Variants in IGF1 observed in about 807,000 individuals in gnomAD.
IGF1 encodes the protein insulin-like growth factor 1.
IGF1 carries 4 observed loss-of-function variants against 13.8 expected under a neutral mutation model. The ratio of observed to expected loss-of-function variants is 0.29; its 90% CI spans 0.14 to 0.66. IGF1 has a LOEUF of 0.66. Ranked by LOEUF, IGF1 falls within the 30% of genes least tolerant of loss-of-function variation. The probability of loss-of-function intolerance (pLI) is 0.78; values close to 1 mark genes in which losing one functional copy is unlikely to be tolerated. For missense variants in IGF1, 124 were observed against 188.5 expected, an observed-to-expected ratio of 0.66 and a Z score of 2.00; for synonymous variants, 76 against 72.6, an observed-to-expected ratio of 1.05 and a Z score of -0.23.
chr12:102,435,757 C>T (rs774436688), intron 2 of IGF1, among the ~76,000 whole-genome samples: 54 of 152,190 alleles, frequency 3.5e-4, no homozygotes, highest in Non-Finnish European at 7.3e-5. Context: ...ATAACTAACA[C>T]ATACTAGTGG....
chr12:102,429,268 C>T (rs1027977551), intron 2 of IGF1, among the ~76,000 whole-genome samples: 1 of 152,124 alleles, frequency 6.6e-6, no homozygotes, highest in Non-Finnish European at 1.5e-5. Flanking sequence ...GCTATTATTT[C>T]TTTCCCTTTT....
chr12:102,457,600 AC>A (rs1266498289), intron 2 of IGF1, among the ~76,000 whole-genome samples: 1 of 152,202 alleles, frequency 6.6e-6, no homozygotes, highest in Non-Finnish European at 1.5e-5. Flanking sequence ...TGTAAATTCC[AC>A]CTACTTTTAA....
At chr12:102,414,224 C>T (rs1161651750) in intron 3 of IGF1, among the ~76,000 whole-genome samples, 1 of 152,070 alleles carries the variant, frequency 6.6e-6, no homozygotes, top group Non-Finnish European at 1.5e-5. Context: ...CATACACACA[C>T]ACAATCTCAA....
intron 2 of IGF1, among the ~76,000 whole-genome samples, chr12:102,439,718 G>GAAAA: frequency 7.2e-6 from 1 of 138,576 alleles, no homozygotes; most frequent in Non-Finnish European, 1.5e-5. Flanking sequence ...CTAGGAGAAG[G>GAAAA]AAAAAAAAAA....
chr12:102,460,785 T>C (rs1196867508), intron 2 of IGF1, among the ~76,000 whole-genome samples: 2 of 152,204 alleles, frequency 1.3e-5, no homozygotes, highest in Non-Finnish European at 2.9e-5. Context: ...TAAAATAATA[T>C]GCATTAAATC....
upstream of IGF1, chr12:102,481,814 C>T (rs965717160): frequency 1.3e-5 from 2 of 151,012 alleles, no homozygotes; most frequent in Non-Finnish European, 2.9e-5. Flanking sequence ...GGGACTGACA[C>T]ATCAACTGAA....
intron 2 of IGF1, among the ~76,000 whole-genome samples, chr12:102,423,901 T>G (rs1369563753): frequency 6.6e-6 from 1 of 152,196 alleles, no homozygotes; most frequent in Non-Finnish European, 1.5e-5. Flanking sequence ...TGTTCATCAC[T>G]GGCAAAAATG....
At chr12:102,407,420 T>C (rs1874271088) in intron 3 of IGF1, among the ~76,000 whole-genome samples, 1 of 152,242 alleles carries the variant, frequency 6.6e-6, no homozygotes, top group Non-Finnish European at 1.5e-5. Context: ...GTAAATTGCA[T>C]ATATTTTCTT....
At chr12:102,427,308 T>G (rs1876295551) in intron 2 of IGF1, among the ~76,000 whole-genome samples, 1 of 152,180 alleles carries the variant, frequency 6.6e-6, no homozygotes, top group African/African-American at 2.4e-5. Flanking sequence ...ACTTACACTC[T>G]TATTGTTATT....
At chr12:102,464,603 A>G (rs1028595928) in intron 2 of IGF1, among the ~76,000 whole-genome samples, 3 of 151,742 alleles carry the variant, frequency 2.0e-5, no homozygotes, top group African/African-American at 7.3e-5. Context: ...GTGTGGTTCA[A>G]AAGTGTTACA....
intron 2 of IGF1, among the ~76,000 whole-genome samples, chr12:102,426,192 T>C (rs191490547): frequency 1.3e-5 from 2 of 152,270 alleles, no homozygotes; most frequent in East Asian, 3.9e-4. Context: ...AACCAGACAG[T>C]CTGGATTCTA....
intron 2 of IGF1, among the ~76,000 whole-genome samples, chr12:102,448,689 TAAAAAAA>T (rs58794507): frequency 5.6e-4 from 62 of 110,302 alleles, no homozygotes; most frequent in Admixed American, 1.3e-3. Flanking sequence ...TAGAGTATAA[TAAAAAAA>T]AAAAAAAAAA....
In IGF1 at chr12:102,396,093, A is replaced by T. The variant is rs1873158527; in HGVS notation, c.*6414T>A. On this transcript the variant is annotated 3_prime_UTR_variant, in exon 4 of 4. Coordinates refer to ENST00000337514, the MANE Select transcript of IGF1 (RefSeq NM_000618.5). The stretch of plus-strand genomic sequence containing the variant: ...TACAATCAGAATTAATTTAATAAAA[A>T]ATATGCTTTTCAACTAAGACAGATG... 1 of 152,208 alleles carries T rather than the reference A, an allele frequency of 6.6e-6. No individual in the cohort carries two copies. The allele number at this position is 152,208 out of a possible 1,614,324, so 9.4% of individuals were successfully genotyped here.
At chr12:102,426,118 C>T (rs1876180749) in intron 2 of IGF1, among the ~76,000 whole-genome samples, 1 of 152,134 alleles carries the variant, frequency 6.6e-6, no homozygotes, top group Admixed American at 6.5e-5. Context: ...TATGATCTGC[C>T]TGTGACATCT....
In IGF1 at chr12:102,398,724, A is replaced by C. The variant is rs1300847493; in HGVS notation, c.*3783T>G. The C allele has an allele frequency of 6.6e-6, 1 of 152,176 alleles. No homozygotes were observed. Among genetic ancestry groups the C allele is most frequent in the African/African-American group, 2.4e-5 (1 of 41,458 alleles). The allele number at this position is 152,176 out of a possible 1,614,324, so 9.4% of individuals were successfully genotyped here. A position where few individuals can be genotyped will look rare whatever the true frequency, so the allele number is the denominator to read the frequency against. On this transcript the variant is annotated 3_prime_UTR_variant, in exon 4 of 4. Transcript: ENST00000337514. ...TAGATAGACCTAATGCTATTTTATT[A>C]AGCCATCTATCTATAGAATTGTTGT...
chr12:102,404,156 A>G (rs908405927), intron 3 of IGF1, among the ~76,000 whole-genome samples: 1 of 152,196 alleles, frequency 6.6e-6, no homozygotes, highest in Non-Finnish European at 1.5e-5. Flanking sequence ...AATTATTGGT[A>G]TACAGTGAGG....
chr12:102,455,677 G>C (rs1314099173), intron 2 of IGF1, among the ~76,000 whole-genome samples: 1 of 152,186 alleles, frequency 6.6e-6, no homozygotes, highest in Middle Eastern at 3.2e-3. Context: ...CATGAGGCAA[G>C]TTGGGCAGAC....
At chr12:102,474,851 A>G (rs1234569654) in intron 2 of IGF1, among the ~76,000 whole-genome samples, 1 of 152,130 alleles carries the variant, frequency 6.6e-6, no homozygotes, top group Non-Finnish European at 1.5e-5. Context: ...GCTTGTGTGT[A>G]TTATTTATAC....
intron 2 of IGF1, among the ~76,000 whole-genome samples, chr12:102,431,459 G>C (rs941719174): frequency 6.6e-5 from 10 of 152,078 alleles, no homozygotes; most frequent in African/African-American, 2.4e-4. Flanking sequence ...AGCTACTATA[G>C]TAAATATTAC....
Sources: allele counts gnomAD v4.1 joint callset (sites outside exome capture counted in the v4.1 genomes callset), GRCh38; gene constraint gnomAD v4.1.1; transcripts MANE v1.5; gene names NCBI Gene and HGNC (gene_info 2026-07-23, HGNC 2026-07-21).